Variants in FAM193A observed in about 807,000 individuals in gnomAD.
FAM193A encodes family with sequence similarity 193 member A, also known as protein FAM193A.
FAM193A carries 22 observed loss-of-function variants against 126.5 expected under a neutral mutation model. The ratio of observed to expected loss-of-function variants is 0.17; its 90% CI spans 0.12 to 0.25. FAM193A has a LOEUF of 0.25. FAM193A is among the 10% of genes least tolerant of loss of function. The pLI is 1.00. For missense variants in FAM193A, 1,675 were observed against 1,672.8 expected, an observed-to-expected ratio of 1.00 and a Z score of -0.02; for synonymous variants, 761 against 646.8, an observed-to-expected ratio of 1.18 and a Z score of -2.68.
chr4:2,698,290 TG>T (rs1393086641), intron 18 of FAM193A, among the ~76,000 whole-genome samples: 1 of 152,214 alleles, frequency 6.6e-6, no homozygotes, highest in Non-Finnish European at 1.5e-5. Context: ...GCACGTGTGC[TG>T]GATTTAGATC....
Position 2,699,676 on chromosome 4 carries a change from G to A in FAM193A, c.3508-4G>A. 1 of 1,579,954 alleles carries A rather than the reference G, an allele frequency of 6.3e-7. No homozygotes were observed. Among genetic ancestry groups the A allele is most frequent in the Admixed American group, 2.0e-5 (1 of 50,492 alleles). ...CTTAAATTGCCTTCTTTTTGCATTGGCAGCTGGAGGAGAAAGCTCGCCTAG... is the reference window on the plus strand; with the variant it reads ...CTTAAATTGCCTTCTTTTTGCATTGACAGCTGGAGGAGAAAGCTCGCCTAG... On this transcript the variant is annotated splice_region_variant and splice_polypyrimidine_tract_variant and intron_variant, in intron 18 of 20. Transcript: ENST00000637812.
At chr4:2,648,334 C>T (rs369869823) in intron 7 of FAM193A, among the ~76,000 whole-genome samples, 9 of 152,296 alleles carry the variant, frequency 5.9e-5, no homozygotes, top group South Asian at 2.1e-4. Flanking sequence ...GGCTGCTGTA[C>T]GCACAGCACG....
chr4:2,731,216 A>AAAC (rs1553918351), intron 20 of FAM193A, among the ~76,000 whole-genome samples: 17 of 126,434 alleles, frequency 1.3e-4, no homozygotes, highest in African/African-American at 4.6e-4. Context: ...AAAAAAAAAA[A>AAAC]AAAAAAAACC....
Position 2,699,792 on chromosome 4 carries a change from G to T in FAM193A, c.3620G>T (p.Arg1207Leu). 6.2e-7 allele frequency: 1 copy of T among 1,613,892 alleles called. No homozygotes were observed. The highest frequency in any genetic ancestry group is 1.1e-5 in the South Asian group (1 of 91,074). Residue 1207 changes from arginine (R) to leucine (L), a missense_variant, in exon 19 of 21, where the codon CGT becomes CTT. By Grantham distance (102) the Arg-to-Leu change is moderately radical. This residue lies in a region of FAM193A where 415 missense variants were observed against 396.7 expected (regional missense o/e 1.05). Transcript: ENST00000637812. ...EEEDEEEEEDRFKEEFQRLQE... is the reference protein window; with the variant it reads ...EEEDEEEEEDLFKEEFQRLQE... ...GAGGATGAGGAAGAAGAGGAGGATCGTTTCAAGGAGGAATTTCAGCGGCTT... is the reference window on the plus strand; with the variant it reads ...GAGGATGAGGAAGAAGAGGAGGATCTTTTCAAGGAGGAATTTCAGCGGCTT...
intron 1 of FAM193A, among the ~76,000 whole-genome samples, chr4:2,541,917 G>GCCTCCTGAGTTCAAGTGATT (rs1232932165): frequency 1.2e-4 from 18 of 151,786 alleles, no homozygotes; most frequent in African/African-American, 3.9e-4. Flanking sequence ...TGCAACTTCT[G>GCCTCCTGAGTTCAAGTGATT]CCTCCTGAGT....
chr4:2,566,555 G>A (rs1465916556), intron 1 of FAM193A, among the ~76,000 whole-genome samples: 2 of 152,058 alleles, frequency 1.3e-5, no homozygotes, highest in Non-Finnish European at 2.9e-5. Context: ...GGACGTGGTG[G>A]TGTGCGCCTG....
chr4:2,683,104 A>G (rs1715337394), intron 13 of FAM193A, among the ~76,000 whole-genome samples: 1 of 152,178 alleles, frequency 6.6e-6, no homozygotes, highest in Non-Finnish European at 1.5e-5. Context: ...TTGGCTGGAC[A>G]CATAATTCTA....
At chr4:2,579,551 T>C (rs1739802398) in intron 1 of FAM193A, among the ~76,000 whole-genome samples, 1 of 151,918 alleles carries the variant, frequency 6.6e-6, no homozygotes, top group Non-Finnish European at 1.5e-5. Context: ...TAAAAAATAT[T>C]AGCCAGACAT....
At chr4:2,704,574 T>A (rs11723413) in intron 19 of FAM193A, among the ~76,000 whole-genome samples, 10,426 of 151,604 alleles carry the variant, frequency 0.069, 623 homozygotes, top group African/African-American at 0.16. Flanking sequence ...GAAAAAAAAA[T>A]AAAATAAAAA....
chr4:2,723,833 A>G (rs56237628), intron 20 of FAM193A, among the ~76,000 whole-genome samples: 3 of 152,104 alleles, frequency 2.0e-5, no homozygotes, highest in Admixed American at 2.0e-4. Flanking sequence ...TTTTTGAGAC[A>G]GGGTCTCACT....
chr4:2,604,085 C>G (rs1266916639), intron 2 of FAM193A, among the ~76,000 whole-genome samples: 1 of 151,996 alleles, frequency 6.6e-6, no homozygotes, highest in Non-Finnish European at 1.5e-5. Flanking sequence ...TCAGGTGATC[C>G]GCCCGCCTCA....
intron 2 of FAM193A, among the ~76,000 whole-genome samples, chr4:2,605,343 C>G (rs1741472446): frequency 6.6e-6 from 1 of 152,204 alleles, no homozygotes; most frequent in Non-Finnish European, 1.5e-5. Context: ...CATCTACCCA[C>G]AAATACTGTA....
At chr4:2,540,465 C>T (rs1329710807) in intron 1 of FAM193A, among the ~76,000 whole-genome samples, 1 of 149,940 alleles carries the variant, frequency 6.7e-6, no homozygotes, top group Non-Finnish European at 1.5e-5. Context: ...GAGACTCCGT[C>T]TCAAAACAAA....
intron 2 of FAM193A, among the ~76,000 whole-genome samples, chr4:2,599,309 G>A (rs901664754): frequency 6.6e-6 from 1 of 152,010 alleles, no homozygotes; most frequent in Non-Finnish European, 1.5e-5. Context: ...CTCCCTGGAG[G>A]GGCTGCTGCA....
At chr4:2,620,740 T>C (rs1742490287) in intron 2 of FAM193A, among the ~76,000 whole-genome samples, 2 of 142,848 alleles carry the variant, frequency 1.4e-5, no homozygotes, top group Admixed American at 1.5e-4. Context: ...TCCCAGCTAC[T>C]CAGGAGAATC....
rs186236307 is a variant in FAM193A at position 2,562,482 on chromosome 4, A to G, written c.255+25312A>G. On this transcript the variant is annotated intron_variant, in intron 1 of 20. Coordinates refer to ENST00000637812, the MANE Select transcript of FAM193A (RefSeq NM_001366318.2). ...TTTAAAATTTCGACGACTGCTCTTC[A>G]CCCCTTTCAAGAGTCTCAGAAACTC... is the stretch of plus-strand genomic sequence containing the variant. Among the ~76,000 whole-genome samples the G allele has an allele frequency of 3.5e-4, 54 of 152,122 alleles. 1 individual carries two copies. In the East Asian group the frequency reaches 0.01, roughly 28 times the overall value.
At chr4:2,667,553 A>G (rs556908220) in intron 12 of FAM193A, among the ~76,000 whole-genome samples, 10 of 152,182 alleles carry the variant, frequency 6.6e-5, no homozygotes, top group Non-Finnish European at 1.2e-4. Context: ...TTTTATCATT[A>G]TGAAATGTTT....
At chr4:2,639,641 GA>G in intron 5 of FAM193A, 93 bp from the exon 6 acceptor site, 4 of 933,596 alleles carry the variant, frequency 4.3e-6, no homozygotes, top group Non-Finnish European at 6.3e-6. Context: ...GTGGTGGGGG[GA>G]AATGGGGAGG....
At chr4:2,570,822 A>G (rs967418550) in intron 1 of FAM193A, among the ~76,000 whole-genome samples, 3 of 152,102 alleles carry the variant, frequency 2.0e-5, no homozygotes, top group African/African-American at 7.2e-5. Context: ...GAGAATGCGT[A>G]TTTACTGCAA....
Sources: allele counts gnomAD v4.1 joint callset (sites outside exome capture counted in the v4.1 genomes callset), GRCh38; gene constraint gnomAD v4.1.1; regional missense constraint gnomAD v4.1.1; transcripts MANE v1.5; gene names NCBI Gene and HGNC (gene_info 2026-07-23, HGNC 2026-07-21).